MAP3K5: variants seen among roughly 807,000 people sequenced by gnomAD.
MAP3K5 encodes ASK-1.
A neutral mutation model predicts 158.7 loss-of-function variants in MAP3K5; 56 were observed. The observed-to-expected ratio is 0.35, with a 90% CI of 0.28 to 0.44. MAP3K5 has a LOEUF of 0.44. Ranked by LOEUF, MAP3K5 falls within the 20% of genes least tolerant of loss-of-function variation. The pLI is 1.00. For synonymous variants in MAP3K5, 579 were observed against 601.7 expected, an observed-to-expected ratio of 0.96 and a Z score of 0.55; for missense variants, 1,294 against 1,674.8, an observed-to-expected ratio of 0.77 and a Z score of 3.97.
At chr6:136,673,947 T>C (rs887861739) in intron 7 of MAP3K5, among the ~76,000 whole-genome samples, 1 of 151,998 alleles carries the variant, frequency 6.6e-6, no homozygotes. Flanking sequence ...ATAAGATAAT[T>C]ATAGTCTAAA....
At chr6:136,786,059 T>C (rs556116760) in intron 1 of MAP3K5, among the ~76,000 whole-genome samples, 3 of 152,224 alleles carry the variant, frequency 2.0e-5, no homozygotes, top group Admixed American at 2.0e-4. Context: ...AACAAGAGAA[T>C]AGCAGCATTG....
intron 1 of MAP3K5, among the ~76,000 whole-genome samples, chr6:136,786,026 C>T (rs781453735): frequency 6.6e-6 from 1 of 152,106 alleles, no homozygotes; most frequent in Non-Finnish European, 1.5e-5. Context: ...AACCTCTTCA[C>T]GGTTCAGTGT....
intron 11 of MAP3K5, among the ~76,000 whole-genome samples, chr6:136,645,034 TC>T (rs1778180739): frequency 6.6e-6 from 1 of 152,072 alleles, no homozygotes; most frequent in Non-Finnish European, 1.5e-5. Context: ...GCTCAAGCAA[TC>T]CTCCCGCCTC....
At chr6:136,666,293 C>G (rs562743007) in intron 8 of MAP3K5, among the ~76,000 whole-genome samples, 2 of 152,290 alleles carry the variant, frequency 1.3e-5, no homozygotes, top group East Asian at 3.9e-4. Context: ...AGAATCATTT[C>G]TTACATTTGA....
At chr6:136,703,110 C>A (rs1294507993) in intron 3 of MAP3K5, among the ~76,000 whole-genome samples, 1 of 152,088 alleles carries the variant, frequency 6.6e-6, no homozygotes, top group Admixed American at 6.6e-5. Context: ...TTGAAAATGA[C>A]ATGAGCTTCT....
chr6:136,573,180 T>A (rs1366469421), intron 25 of MAP3K5, among the ~76,000 whole-genome samples: 2 of 152,202 alleles, frequency 1.3e-5, no homozygotes, highest in Non-Finnish European at 2.9e-5. Flanking sequence ...TGGGCAGGCA[T>A]CATCCAGTCC....
At chr6:136,683,366 T>G (rs1170012301) in intron 7 of MAP3K5, among the ~76,000 whole-genome samples, 1 of 152,198 alleles carries the variant, frequency 6.6e-6, no homozygotes, top group African/African-American at 2.4e-5. Context: ...CCCTCGACAC[T>G]GGTGCAGCTA....
At chr6:136,786,973 T>C (rs1480249760) in intron 1 of MAP3K5, among the ~76,000 whole-genome samples, 1 of 152,162 alleles carries the variant, frequency 6.6e-6, no homozygotes, top group Non-Finnish European at 1.5e-5. Flanking sequence ...TAGGTTGAGC[T>C]ATTCGAACAT....
intron 2 of MAP3K5, among the ~76,000 whole-genome samples, chr6:136,706,440 C>T (rs1781081362): frequency 6.6e-6 from 1 of 152,086 alleles, no homozygotes; most frequent in Non-Finnish European, 1.5e-5. Flanking sequence ...CTACAGACAC[C>T]GGAGAGACGA....
intron 18 of MAP3K5, among the ~76,000 whole-genome samples, chr6:136,607,751 A>G (rs935726821): frequency 9.9e-5 from 15 of 152,210 alleles, no homozygotes; most frequent in Non-Finnish European, 1.8e-4. Context: ...TAACAGATCC[A>G]CACTGAGGAC....
chr6:136,610,514 A>G (rs1380836092), intron 18 of MAP3K5, among the ~76,000 whole-genome samples: 1 of 151,850 alleles, frequency 6.6e-6, no homozygotes, highest in East Asian at 1.9e-4. Context: ...GTAAACAGTA[A>G]AAGAGGGAAT....
chr6:136,690,557 A>C (rs1006873468), intron 7 of MAP3K5, among the ~76,000 whole-genome samples: 1 of 152,208 alleles, frequency 6.6e-6, no homozygotes, highest in African/African-American at 2.4e-5. Context: ...AATAGTGTAA[A>C]GTAGTATAAA....
chr6:136,631,090 T>A (rs2129101361), intron 14 of MAP3K5, among the ~76,000 whole-genome samples: 1 of 152,218 alleles, frequency 6.6e-6, no homozygotes, highest in East Asian at 1.9e-4. Context: ...CAGAGGGAGA[T>A]TCTGTTTCAA....
chr6:136,642,285 C>A (rs1318663499), intron 12 of MAP3K5, among the ~76,000 whole-genome samples: 2 of 152,072 alleles, frequency 1.3e-5, no homozygotes, highest in African/African-American at 4.8e-5. Context: ...ATTGACCCCA[C>A]AGTTACATTT....
At chr6:136,703,232 G>A (rs893052889) in intron 3 of MAP3K5, among the ~76,000 whole-genome samples, 1 of 152,038 alleles carries the variant, frequency 6.6e-6, no homozygotes, top group Non-Finnish European at 1.5e-5. Flanking sequence ...CAAGTCAGCG[G>A]GCAACTTCTT....
At position 136,572,044 on chromosome 6, in the gene MAP3K5, C is replaced by T. The variant is rs79166137; in HGVS notation, c.3518-4170G>A. Among the ~76,000 whole-genome samples the T allele has an allele frequency of 0.013, 1,907 of 152,216 alleles. 92 individuals are homozygous for T. In the East Asian group the frequency reaches 0.14, roughly 11 times the overall value. ...ATGTGTTTTACTTTTGTAAACCCAG[C>T]GCTGATTGCAGGGGCTAAACGTATT... On this transcript the variant is annotated intron_variant, in intron 25 of 29. Coordinates refer to ENST00000359015, the MANE Select transcript of MAP3K5 (RefSeq NM_005923.4).
intron 1 of MAP3K5, among the ~76,000 whole-genome samples, chr6:136,733,299 C>G (rs1782305653): frequency 6.6e-6 from 1 of 152,164 alleles, no homozygotes; most frequent in Non-Finnish European, 1.5e-5. Flanking sequence ...CGTCCAGCTT[C>G]AAGCACACAG....
At chr6:136,620,608 G>T (rs1776756246) in intron 15 of MAP3K5, among the ~76,000 whole-genome samples, 1 of 152,104 alleles carries the variant, frequency 6.6e-6, no homozygotes, top group South Asian at 2.1e-4. Context: ...GGAGTCAAGG[G>T]CAGCCAGAGT....
In MAP3K5 at chr6:136,639,648, A is replaced by G; in HGVS notation, c.1839-10T>C. On this transcript the variant is annotated splice_polypyrimidine_tract_variant and intron_variant, in intron 12 of 29. Transcript: ENST00000359015. ...TTCAAATTTAGAAATACTGAAACCA[A>G]CAAACAAAAAGGCATTATTCAGAGA... 1 of 1,428,296 alleles carries G rather than the reference A, an allele frequency of 7.0e-7. No homozygotes were observed. Among genetic ancestry groups the G allele is most frequent in the Non-Finnish European group, 9.7e-7 (1 of 1,027,518 alleles). The allele number at this position is 1,428,296 out of a possible 1,614,324, so 88.5% of individuals were successfully genotyped here.
Sources: gnomAD v4.1 joint callset for allele counts (sites outside exome capture counted in the v4.1 genomes callset) on GRCh38, gnomAD v4.1.1 for gene constraint, MANE v1.5 for transcripts, NCBI Gene and HGNC (gene_info 2026-07-23, HGNC 2026-07-21) for gene names.